ZNF268: variants seen among roughly 807,000 people sequenced by gnomAD.
The protein encoded by ZNF268 is zinc finger protein 3.
In ZNF268, 20 loss-of-function variants were observed where a neutral mutation model predicts 29.3. That is an observed-to-expected ratio of 0.68 (90% CI 0.48 to 0.99). The LOEUF (loss-of-function observed/expected upper bound fraction) is 0.99, where lower values mean the gene tolerates loss of function less well. ZNF268 is among the 50% of genes least tolerant of loss of function. The pLI is 0.00. For synonymous variants in ZNF268, 429 were observed against 376.9 expected, an observed-to-expected ratio of 1.14 and a Z score of -1.60; for missense variants, 1,240 against 1,121.6, an observed-to-expected ratio of 1.11 and a Z score of -1.51.
At position 133,202,230 on chromosome 12, in the gene ZNF268, A is replaced by C; in HGVS notation, c.544A>C (p.Thr182Pro). ...LGSTAKSFEC[T>P]TFGKLCLLST... ...AAGTACGGCAAAAAGCTTTGAATGC[A>C]CTACATTTGGAAAACTATGTCTTCT... The change falls in exon 6 of 6, where the codon ACT (threonine) becomes CCT (proline). Residue 182 changes from threonine (T) to proline (P), a missense_variant. This residue lies in a region of ZNF268 where 1,177 missense variants were observed against 1,039.6 expected (regional missense o/e 1.13). Coordinates refer to ENST00000536435, the MANE Select transcript of ZNF268 (RefSeq NM_003415.3). 6.2e-7 allele frequency: 1 copy of C among 1,611,828 alleles called. No homozygotes were observed. The highest frequency in any genetic ancestry group is 8.5e-7 in the Non-Finnish European group (1 of 1,178,912).
In ZNF268 at chr12:133,212,286, G is replaced by A. The variant is rs1297157226; in HGVS notation, c.*7756G>A. ...GGCCTTTGGAGAGTGTACTCCCTCT[G>A]CTTGGTGAAATTATGCTGGGTGTGT... On this transcript the variant is annotated 3_prime_UTR_variant, in exon 6 of 6. Coordinates refer to ENST00000536435, the MANE Select transcript of ZNF268 (RefSeq NM_003415.3). The A allele has an allele frequency of 6.6e-6, 1 of 151,708 alleles. No homozygotes were observed. The highest frequency in any genetic ancestry group is 1.5e-5 in the Non-Finnish European group (1 of 67,958). The allele number at this position is 151,708 out of a possible 1,614,324, so 9.4% of individuals were successfully genotyped here. A position where few individuals can be genotyped will look rare whatever the true frequency, so the allele number is the denominator to read the frequency against.
rs183661840 is a variant in ZNF268 at position 133,202,576 on chromosome 12, C to A, written c.890C>A (p.Thr297Asn). 1 of 1,609,098 alleles carries A rather than the reference C, an allele frequency of 6.2e-7. No homozygotes were observed. The highest frequency in any genetic ancestry group is 1.1e-5 in the South Asian group (1 of 90,498). ...SKSYLLVHQQ[T>N]HAEEKPYGCN... ...TCATACCTTCTAGTGCATCAGCAAA[C>A]TCATGCCGAAGAGAAACCCTATGGT... Residue 297 changes from threonine (T) to asparagine (N), a missense_variant, in exon 6 of 6, where the codon ACT (threonine) becomes AAT (asparagine). Around this residue, in one of 3 missense-constraint regions of ZNF268, gnomAD observed 1,177 missense variants for 1,039.6 expected, o/e 1.13. Transcript: ENST00000536435.
At position 133,213,558 on chromosome 12, in the gene ZNF268, T is replaced by C. The variant is rs1467587746; in HGVS notation, c.*9028T>C. 6.7e-6 allele frequency: 1 copy of C among 149,738 alleles called. No individual in the cohort carries two copies. The highest frequency in any genetic ancestry group is 2.5e-5 in the African/African-American group (1 of 40,630). 9.3% of individuals were successfully genotyped at this position (149,738 alleles called of 1,614,324 possible). A position where few individuals can be genotyped will look rare whatever the true frequency, so the allele number is the denominator to read the frequency against. On this transcript the variant is annotated 3_prime_UTR_variant, in exon 6 of 6. Transcript: ENST00000536435. ...AAAAGAGAAAAAAAAAAGCCGGGTG[T>C]GGTGGCATGTGCCTGTAATCCCAGC...
Position 133,204,731 on chromosome 12 carries a change from A to T in ZNF268, c.*201A>T. ...AAAAGATAGTAGACAATACACAGGA[A>T]AACTGAATTTAGTAACCACTCTGAA... On this transcript the variant is annotated 3_prime_UTR_variant, in exon 6 of 6. Coordinates refer to ENST00000536435, the MANE Select transcript of ZNF268 (RefSeq NM_003415.3). 1 of 434,404 alleles carries T rather than the reference A, an allele frequency of 2.3e-6. No individual in the cohort carries two copies. The highest frequency in any genetic ancestry group is 4.0e-6 in the Non-Finnish European group (1 of 249,788). 26.9% of individuals were successfully genotyped at this position (434,404 alleles called of 1,614,324 possible).
intron 5 of ZNF268, among the ~76,000 whole-genome samples, chr12:133,201,557 T>C (rs1956752996): frequency 6.6e-6 from 1 of 152,118 alleles, no homozygotes; most frequent in African/African-American, 2.4e-5. Flanking sequence ...AGCTTTGTTT[T>C]TGTTTCAGTT....
chr12:133,181,916 C>T, intron 1 of ZNF268, 30 bp from the exon 2 acceptor site: 1 of 1,479,538 alleles, frequency 6.8e-7, no homozygotes, highest in Non-Finnish European at 9.2e-7. Context: ...TGCTGGGTGA[C>T]CTCTTTCTTC....
Position 133,204,566 on chromosome 12 carries a change from AG to A in ZNF268, c.*37del. ...AAACTCTGAAAAGTGGATTCACAAG[AG>A]ATAGAAACAATCATATATAAAGAGA... On this transcript the variant is annotated 3_prime_UTR_variant, in exon 6 of 6. Coordinates refer to ENST00000536435, the MANE Select transcript of ZNF268 (RefSeq NM_003415.3). 1 of 1,398,762 alleles carries A rather than the reference AG, an allele frequency of 7.1e-7. No homozygotes were observed. The highest frequency in any genetic ancestry group is 2.5e-5 in the East Asian group (1 of 40,144). The allele number at this position is 1,398,762 out of a possible 1,614,324, so 86.6% of individuals were successfully genotyped here.
In ZNF268 at chr12:133,202,608, G is replaced by C; in HGVS notation, c.922G>C (p.Glu308Gln). The change falls in exon 6 of 6, where the codon GAA becomes CAA. Residue 308 changes from glutamate to glutamine, a missense_variant. By Grantham distance (29) the Glu-to-Gln change is conservative (BLOSUM62 2). Coordinates refer to ENST00000536435, the MANE Select transcript of ZNF268 (RefSeq NM_003415.3). ...HAEEKPYGCNECGKDFSSKSY... is the reference protein window; with the variant it reads ...HAEEKPYGCNQCGKDFSSKSY... ...CGAAGAGAAACCCTATGGTTGTAAT[G>C]AATGTGGGAAAGACTTCAGTAGTAA... 6.2e-7 allele frequency: 1 copy of C among 1,605,168 alleles called. No homozygotes were observed. The highest frequency in any genetic ancestry group is 1.1e-5 in the South Asian group (1 of 90,052).
chr12:133,205,144 TAAAAAAA>T lies in ZNF268; in HGVS notation c.*637_*643del, dbSNP rs1223672116. On this transcript the variant is annotated 3_prime_UTR_variant, in exon 6 of 6. Transcript: ENST00000536435. ...TAACCTCACCTTAGAAGCTTCATTC[TAAAAAAA>T]AAAAAAAAAAAAAAAAAAAAAACCA... 4 of 42,310 alleles carry T rather than the reference TAAAAAAA, an allele frequency of 9.5e-5. No individual in the cohort carries two copies. Among genetic ancestry groups the T allele is most frequent in the Non-Finnish European group, 1.4e-4 (3 of 22,218 alleles). 2.6% of individuals were successfully genotyped at this position (42,310 alleles called of 1,614,324 possible). A position where few individuals can be genotyped will look rare whatever the true frequency, so the allele number is the denominator to read the frequency against.
chr12:133,198,545 A>G (rs1046374612), intron 5 of ZNF268, among the ~76,000 whole-genome samples: 10 of 152,040 alleles, frequency 6.6e-5, no homozygotes, highest in African/African-American at 2.4e-4. Context: ...TATGAACTTT[A>G]AAGTAGTTTT....
In ZNF268 at chr12:133,213,329, AAAT is replaced by A. The variant is rs1243370254; in HGVS notation, c.*8801_*8803del. ...CCAGAAGCATGGGAAACAAAAGAAAAAATAGGTAAATTGGACTTCACCAAAATT... is the reference window on the plus strand; with the variant it reads ...CCAGAAGCATGGGAAACAAAAGAAAAAGGTAAATTGGACTTCACCAAAATT... On this transcript the variant is annotated 3_prime_UTR_variant, in exon 6 of 6. Coordinates refer to ENST00000536435, the MANE Select transcript of ZNF268 (RefSeq NM_003415.3). 1 of 152,208 alleles carries A rather than the reference AAAT, an allele frequency of 6.6e-6. No homozygotes were observed. The highest frequency in any genetic ancestry group is 2.4e-5 in the African/African-American group (1 of 41,444). 9.4% of individuals were successfully genotyped at this position (152,208 alleles called of 1,614,324 possible).
rs1049923778 is a variant in ZNF268 at position 133,210,862 on chromosome 12, G to C, written c.*6332G>C. On this transcript the variant is annotated 3_prime_UTR_variant, in exon 6 of 6. Coordinates refer to ENST00000536435, the MANE Select transcript of ZNF268 (RefSeq NM_003415.3). Reference sequence around the variant, plus strand: ...GAATGCAGGTACTGCAAGCAGGCTAGACAAGGTGTGTGCTTGCACCCCTTC... The same window carrying C: ...GAATGCAGGTACTGCAAGCAGGCTACACAAGGTGTGTGCTTGCACCCCTTC... The C allele has an allele frequency of 8.8e-6, 4 of 456,052 alleles. No individual in the cohort carries two copies. The highest frequency in any genetic ancestry group is 2.3e-5 in the Admixed American group (1 of 42,568). The allele number at this position is 456,052 out of a possible 1,614,324, so 28.3% of individuals were successfully genotyped here. A position where few individuals can be genotyped will look rare whatever the true frequency, so the allele number is the denominator to read the frequency against.
chr12:133,196,106 G>A (rs555138727), intron 5 of ZNF268, among the ~76,000 whole-genome samples: 210 of 149,928 alleles, frequency 1.4e-3, no homozygotes, highest in African/African-American at 4.8e-3. Context: ...GGTGGATCAC[G>A]AGGTCAAGAG....
At position 133,207,260 on chromosome 12, in the gene ZNF268, A is replaced by C. The variant is rs1219225959; in HGVS notation, c.*2730A>C. 1.3e-5 allele frequency: 2 copies of C among 152,192 alleles called. No individual in the cohort carries two copies. Among genetic ancestry groups the C allele is most frequent in the African/African-American group, 4.8e-5 (2 of 41,428 alleles). The allele number at this position is 152,192 out of a possible 1,614,324, so 9.4% of individuals were successfully genotyped here. A position where few individuals can be genotyped will look rare whatever the true frequency, so the allele number is the denominator to read the frequency against. Reference sequence around the variant, plus strand: ...TTTTACAACTTCCCCATCAAATAGAAATTTAGGAGAAAAAATGACTTGCAA... The same window carrying C: ...TTTTACAACTTCCCCATCAAATAGACATTTAGGAGAAAAAATGACTTGCAA... On this transcript the variant is annotated 3_prime_UTR_variant, in exon 6 of 6. Coordinates refer to ENST00000536435, the MANE Select transcript of ZNF268 (RefSeq NM_003415.3).
intron 5 of ZNF268, among the ~76,000 whole-genome samples, chr12:133,200,836 A>T (rs1956736165): frequency 6.6e-6 from 1 of 152,162 alleles, no homozygotes; most frequent in South Asian, 2.1e-4. Context: ...TTATTCTGCT[A>T]GACCTTGGCT....
Position 133,203,725 on chromosome 12 carries a change from A to T in ZNF268, c.2039A>T (p.Lys680Met), listed in dbSNP as rs1250926583. 2 of 1,550,028 alleles carry T rather than the reference A, an allele frequency of 1.3e-6. No individual in the cohort carries two copies. The highest frequency in any genetic ancestry group is 2.3e-5 in the South Asian group (2 of 85,406). The change falls in exon 6 of 6, where the codon AAG (lysine) becomes ATG (methionine). Residue 680 changes from lysine (K) to methionine (M), a missense_variant. Physicochemically the swap from Lys to Met is moderately conservative, Grantham distance 95. Transcript: ENST00000536435. ...CAATGTGCAAAAACCTTTAGTTTGA[A>T]GTCCCAGCTCATTGTACATCAGAGA... Reference protein sequence around the residue: ...CSQCAKTFSLKSQLIVHQRSH... With the variant: ...CSQCAKTFSLMSQLIVHQRSH...
intron 2 of ZNF268, among the ~76,000 whole-genome samples, chr12:133,184,371 C>T (rs1029296896): frequency 1.3e-5 from 2 of 152,092 alleles, no homozygotes; most frequent in Non-Finnish European, 1.5e-5. Flanking sequence ...TCCCAAAGTG[C>T]TGGGATTACA....
At chr12:133,199,381 G>T (rs1286863734) in intron 5 of ZNF268, among the ~76,000 whole-genome samples, 7 of 151,510 alleles carry the variant, frequency 4.6e-5, no homozygotes, top group Non-Finnish European at 1.0e-4. Context: ...TCCCAGGGAT[G>T]AAGCCCACTT....
intron 5 of ZNF268, among the ~76,000 whole-genome samples, chr12:133,200,537 A>G (rs1032683395): frequency 2.0e-5 from 3 of 152,104 alleles, no homozygotes; most frequent in African/African-American, 4.8e-5. Flanking sequence ...GTAGATGTCT[A>G]TTAGCTCTGC....
Sources: gnomAD v4.1 joint callset for allele counts (sites outside exome capture counted in the v4.1 genomes callset) on GRCh38, gnomAD v4.1.1 for gene constraint, gnomAD v4.1.1 regional missense constraint, MANE v1.5 for transcripts, NCBI Gene and HGNC (gene_info 2026-07-23, HGNC 2026-07-21) for gene names.